The following NAA38 variants were observed in gnomAD, a reference collection of about 807,000 sequenced individuals.
NAA38 encodes the protein LSM domain containing 1.
A neutral mutation model predicts 12.6 loss-of-function variants in NAA38; 15 were observed. The ratio of observed to expected loss-of-function variants is 1.19; its 90% CI spans 0.79 to 1.83. The LOEUF is 1.83. Among genes scored for constraint, NAA38 ranks in the 40% most tolerant of loss-of-function variants. The pLI, the probability that NAA38 is intolerant of heterozygous loss-of-function variation, is 0.00. For missense variants in NAA38, 183 were observed against 171.7 expected (o/e 1.07, Z -0.37); for synonymous variants, 88 against 69.9 (o/e 1.26, Z -1.29).
At position 7,857,308 on chromosome 17, in the gene NAA38, G is replaced by A. The variant is rs1449534153; in HGVS notation, c.81+75C>T. On this transcript the variant is annotated intron_variant, in intron 1 of 2. Transcript: ENST00000575771. ...CTCACACAAAGCCCAGAGGCTGCCG[G>A]GAGCTGCAGTTCCCCACCCCCTCCA... 3.1e-6 allele frequency: 5 copies of A among 1,612,380 alleles called. No individual in the cohort carries two copies. Among genetic ancestry groups the A allele is most frequent in the Middle Eastern group, 1.7e-4 (1 of 6,056 alleles).
At chr17:7,877,644 C>G (rs1967198788) in intron 2 of NAA38, among the ~76,000 whole-genome samples, 1 of 152,036 alleles carries the variant, frequency 6.6e-6, no homozygotes, top group Non-Finnish European at 1.5e-5. Flanking sequence ...TAATGTCACC[C>G]TATGCATAAG....
chr17:7,869,532 C>T (rs926311128), intron 2 of NAA38, among the ~76,000 whole-genome samples: 1 of 151,988 alleles, frequency 6.6e-6, no homozygotes, highest in Non-Finnish European at 1.5e-5. Context: ...GAGGCCGAGG[C>T]GGGTGGATCA....
At chr17:7,858,969 C>A, upstream of NAA38, 1 of 716,312 alleles carries the variant, frequency 1.4e-6, no homozygotes, top group Non-Finnish European at 2.2e-6. Context: ...GAAAGCACAG[C>A]ACCTAGGTCC....
chr17:7,884,922 CCGACGAGGACGATGAGGAGGACGA>C, intron 1 of NAA38: 6 of 1,414,042 alleles, frequency 4.2e-6, no homozygotes, highest in Non-Finnish European at 5.6e-6. Flanking sequence ...GTGGAGGCGG[CCGACGAGGACGATGAGGAGGACGA>C]CGACGAGGGA....
chr17:7,858,945 T>C (rs1031530554), upstream of NAA38: 3 of 923,802 alleles, frequency 3.2e-6, no homozygotes, highest in African/African-American at 3.3e-5. Context: ...GTCCTTTACA[T>C]TGAGGCAACT....
chr17:7,885,137 C>T, intron 1 of NAA38: 1 of 981,796 alleles, frequency 1.0e-6, no homozygotes, highest in Non-Finnish European at 1.2e-6. Flanking sequence ...CGCGGGCGCG[C>T]GAAGCCGGGC....
At chr17:7,861,504 T>C (rs2078882910), upstream of NAA38, 1 of 152,236 alleles carries the variant, frequency 6.6e-6, no homozygotes, top group South Asian at 2.1e-4. Flanking sequence ...AAAGCTATGC[T>C]GTTCCTCTAG....
At chr17:7,885,221 C>T (rs1967614288), upstream of NAA38, 1 of 838,668 alleles carries the variant, frequency 1.2e-6, no homozygotes, top group Non-Finnish European at 1.4e-6. Flanking sequence ...GGCCCGTGGC[C>T]CCGCGGCGGT....
intron 2 of NAA38, among the ~76,000 whole-genome samples, chr17:7,882,254 G>T (rs536930811): frequency 5.3e-4 from 80 of 152,266 alleles, no homozygotes; most frequent in African/African-American, 1.9e-3. Flanking sequence ...AGGCAGAGAG[G>T]CTGCGGCGCA....
At chr17:7,877,500 T>G (rs1294361188) in intron 2 of NAA38, among the ~76,000 whole-genome samples, 2 of 152,048 alleles carry the variant, frequency 1.3e-5, no homozygotes, top group Non-Finnish European at 2.9e-5. Flanking sequence ...CCCCAGGAAA[T>G]CCTGAGAACA....
chr17:7,863,392 C>T (rs1783112675), intron 3 of NAA38: 2 of 152,152 alleles, frequency 1.3e-5, no homozygotes, highest in South Asian at 4.1e-4. Context: ...CTCAGTGAAT[C>T]ACAGCAGCTT....
chr17:7,858,367 G>T, upstream of NAA38: 2 of 1,614,122 alleles, frequency 1.2e-6, no homozygotes, highest in Non-Finnish European at 8.5e-7. Flanking sequence ...TTCTCGAAGG[G>T]CTGGCATTGA....
At chr17:7,885,169 C>T in exon 1 of NAA38, 1 of 980,594 alleles carries the variant, frequency 1.0e-6, no homozygotes, top group Non-Finnish European at 1.2e-6. Flanking sequence ...ACCCACCGCG[C>T]GGCCGAGCCG....
intron 3 of NAA38, chr17:7,865,373 C>G (rs1276971978): frequency 2.0e-5 from 3 of 152,200 alleles, no homozygotes; most frequent in Non-Finnish European, 4.4e-5. Context: ...ACATAGGATG[C>G]TATTCTAGTT....
At chr17:7,858,307 CGTT>C, upstream of NAA38, 8 of 1,613,922 alleles carry the variant, frequency 5.0e-6, no homozygotes, top group Non-Finnish European at 6.8e-6. Context: ...AAGGGCCACA[CGTT>C]GGGCCGGGGC....
intron 2 of NAA38, among the ~76,000 whole-genome samples, chr17:7,868,477 A>G (rs538009892): frequency 6.6e-6 from 1 of 152,308 alleles, no homozygotes; most frequent in African/African-American, 2.4e-5. Flanking sequence ...CCATGCACAG[A>G]ATATTTAAAT....
chr17:7,877,436 C>T (rs1405167672), intron 2 of NAA38, among the ~76,000 whole-genome samples: 2 of 150,258 alleles, frequency 1.3e-5, no homozygotes, highest in Admixed American at 1.3e-4. Flanking sequence ...TCTCTACATA[C>T]AGAAGTAACT....
At chr17:7,861,316 G>A (rs933653055), upstream of NAA38, 1 of 152,202 alleles carries the variant, frequency 6.6e-6, no homozygotes, top group Non-Finnish European at 1.5e-5. Flanking sequence ...AACAAAGGTG[G>A]AAACATTGCT....
At chr17:7,864,363 A>C (rs982424136) in intron 3 of NAA38, 1 of 152,208 alleles carries the variant, frequency 6.6e-6, no homozygotes, top group Non-Finnish European at 1.5e-5. Flanking sequence ...AATGGGAGTA[A>C]AGGCTTAAGT....
Sources: allele counts gnomAD v4.1 joint callset (sites outside exome capture counted in the v4.1 genomes callset), GRCh38; gene constraint gnomAD v4.1.1; transcripts MANE v1.5; gene names NCBI Gene and HGNC (gene_info 2026-07-23, HGNC 2026-07-21).